Variants in ZNF423 observed in about 807,000 individuals in gnomAD.
ZNF423 encodes the protein zinc finger protein 423.
A neutral mutation model predicts 95.8 loss-of-function variants in ZNF423; 12 were observed. The observed-to-expected ratio is 0.13, with a 90% CI of 0.08 to 0.20. The LOEUF (loss-of-function observed/expected upper bound fraction) is 0.20, where lower values mean the gene tolerates loss of function less well. Among genes scored for constraint, ZNF423 ranks in the 10% least tolerant of loss-of-function variants. ZNF423 has a pLI of 1.00. For missense variants in ZNF423, 1,316 were observed against 1,737.1 expected (o/e 0.76, Z 4.31); for synonymous variants, 749 against 711.9 (o/e 1.05, Z -0.83).
chr16:49,544,712 G>C (rs573281036), intron 5 of ZNF423, among the ~76,000 whole-genome samples: 72 of 152,352 alleles, frequency 4.7e-4, no homozygotes, highest in African/African-American at 1.7e-3. Context: ...GGCTTGGGAG[G>C]GTTTTCCTCA....
intron 2 of ZNF423, among the ~76,000 whole-genome samples, chr16:49,741,885 A>T (rs1247913486): frequency 6.6e-6 from 1 of 152,228 alleles, no homozygotes. Context: ...GAAAATGAGG[A>T]TGGTACTCAT....
At chr16:49,729,756 G>A (rs889481140) in intron 3 of ZNF423, among the ~76,000 whole-genome samples, 2 of 151,914 alleles carry the variant, frequency 1.3e-5, no homozygotes, top group South Asian at 4.2e-4. Flanking sequence ...AGGCACAGAT[G>A]TCACTAGAGG....
In ZNF423 at chr16:49,709,168, T is replaced by TTATATA. The variant is rs534895949; in HGVS notation, c.301+21597_301+21602dup. On this transcript the variant is annotated intron_variant, in intron 3 of 7. Transcript: ENST00000563137. ...AAAAACTCAAACGTTCAGCAGCCGTTTATATATATATATATGAAAACGGAG... is the reference window on the plus strand; with the variant it reads ...AAAAACTCAAACGTTCAGCAGCCGTTTATATATATATATATATATATGAAAACGGAG... Among the ~76,000 whole-genome samples the TTATATA allele has an allele frequency of 3.6e-4, 34 of 93,458 alleles. 1 individual carries two copies. Among genetic ancestry groups the TTATATA allele is most frequent in the East Asian group, 1.9e-3 (6 of 3,148 alleles). 61.3% of individuals were successfully genotyped at this position (93,458 alleles called of 152,430 possible).
At position 49,636,529 on chromosome 16, in the gene ZNF423, T is replaced by C. The variant is rs1283235029; in HGVS notation, c.2647A>G (p.Ser883Gly). ...TCCGACGCGTCCACGTCATCCTCGC[T>C]GGCCTCATGGCTGTTAGGTGCCTCA... Reference protein sequence around the residue: ...NPEAPNSHEASEDDVDASEPM... With the variant: ...NPEAPNSHEAGEDDVDASEPM... Residue 883 changes from serine to glycine, a missense_variant, in exon 4 of 8, where the codon AGC becomes GGC. Ser to Gly is a moderately conservative substitution (Grantham distance 56, BLOSUM62 0). Coordinates refer to ENST00000563137, the MANE Select transcript of ZNF423 (RefSeq NM_001379286.1). This position sits in a 1 kb window ranked among gnomAD's most constrained non-coding sequence, Gnocchi z 8.6. 6.2e-7 allele frequency: 1 copy of C among 1,613,906 alleles called. No individual in the cohort carries two copies.
chr16:49,747,794 A>G (rs2033556269), intron 2 of ZNF423, among the ~76,000 whole-genome samples: 1 of 152,398 alleles, frequency 6.6e-6, no homozygotes, highest in East Asian at 1.9e-4. Context: ...AAGACAGCCA[A>G]TCCAATCCAG....
chr16:49,790,359 G>A (rs1020244809), intron 1 of ZNF423, among the ~76,000 whole-genome samples: 1 of 152,378 alleles, frequency 6.6e-6, no homozygotes, highest in Middle Eastern at 3.4e-3. Context: ...CTGGCACCAC[G>A]TGGGTGCACA....
intron 3 of ZNF423, among the ~76,000 whole-genome samples, chr16:49,720,353 C>T: frequency 6.6e-6 from 1 of 152,208 alleles, no homozygotes; most frequent in East Asian, 1.9e-4. Flanking sequence ...TACACGGGCA[C>T]CTCCTGCCAG....
Position 49,730,763 on chromosome 16 carries a change from T to G in ZNF423, c.301+8A>C, listed in dbSNP as rs1022331646. 6.8e-6 allele frequency: 11 copies of G among 1,614,254 alleles called. No homozygotes were observed. Among genetic ancestry groups the G allele is most frequent in the Non-Finnish European group, 9.3e-6 (11 of 1,180,040 alleles). ...ACCTGTCAGAGTCCTGGGGCTGTTT[T>G]GCATTACCTCCAGGACAGCGGTGGG... is the stretch of plus-strand genomic sequence containing the variant. On this transcript the variant is annotated splice_region_variant and intron_variant, in intron 3 of 7. Coordinates refer to ENST00000563137, the MANE Select transcript of ZNF423 (RefSeq NM_001379286.1).
chr16:49,742,513 AC>A (rs2033435247), intron 2 of ZNF423, among the ~76,000 whole-genome samples: 1 of 152,056 alleles, frequency 6.6e-6, no homozygotes, highest in Non-Finnish European at 1.5e-5. Flanking sequence ...AGACAAAGCC[AC>A]CCTGGAACCA....
intron 1 of ZNF423, among the ~76,000 whole-genome samples, chr16:49,818,759 C>T (rs773077713): frequency 8.0e-5 from 12 of 150,670 alleles, no homozygotes; most frequent in East Asian, 2.0e-4. Context: ...TGATGGTGAA[C>T]GCCTGTAGTC....
chr16:49,773,449 G>A (rs1365898091), intron 2 of ZNF423, among the ~76,000 whole-genome samples: 1 of 152,178 alleles, frequency 6.6e-6, no homozygotes, highest in East Asian at 1.9e-4. Context: ...CCTGACACAT[G>A]GGGATTTGGG....
At chr16:49,597,932 C>G (rs1971237760) in intron 5 of ZNF423, among the ~76,000 whole-genome samples, 1 of 152,172 alleles carries the variant, frequency 6.6e-6, no homozygotes, top group Non-Finnish European at 1.5e-5. Context: ...TCACAGCTAC[C>G]TTCCCCGCAT....
intron 3 of ZNF423, among the ~76,000 whole-genome samples, chr16:49,667,555 G>A (rs2151921750): frequency 6.6e-6 from 1 of 152,322 alleles, no homozygotes; most frequent in South Asian, 2.1e-4. Context: ...AACACCCTGG[G>A]GTAAAAGCAA....
intron 5 of ZNF423, among the ~76,000 whole-genome samples, chr16:49,624,049 A>T (rs546814222): frequency 6.6e-6 from 1 of 152,302 alleles, no homozygotes; most frequent in East Asian, 1.9e-4. Flanking sequence ...TCAGAAATGT[A>T]TTTGTCAGCA....
rs1966896248 is a variant in ZNF423, at chr16:49,489,760, A to G, written c.*1515T>C. The stretch of plus-strand genomic sequence containing the variant: ...TAACCAATTTCCTTGCCCCTTGTGA[A>G]AAGTTAGCAAGGAAGGGTTTCCCCG... On this transcript the variant is annotated 3_prime_UTR_variant, in exon 8 of 8. Coordinates refer to ENST00000563137, the MANE Select transcript of ZNF423 (RefSeq NM_001379286.1). The G allele has an allele frequency of 6.6e-6, 1 of 152,240 alleles. No homozygotes were observed. The highest frequency in any genetic ancestry group is 1.5e-5 in the Non-Finnish European group (1 of 68,052). 9.4% of individuals were successfully genotyped at this position (152,240 alleles called of 1,614,324 possible).
rs1367009647 is a variant in ZNF423 at position 49,685,396 on chromosome 16, G to A, written c.301+45375C>T. On this transcript the variant is annotated intron_variant, in intron 3 of 7. Coordinates refer to ENST00000563137, the MANE Select transcript of ZNF423 (RefSeq NM_001379286.1). ...TCACATGCAGCATGGGGTCTTGAGG[G>A]GACTGAGCAGCAGCCAGGGTCTAGT... Among the ~76,000 whole-genome samples the A allele has an allele frequency of 2.0e-5, 3 of 152,174 alleles. 1 individual carries two copies. The highest frequency in any genetic ancestry group is 2.0e-4 in the Admixed American group (3 of 15,280).
At chr16:49,530,474 G>C (rs1567447250) in intron 5 of ZNF423, among the ~76,000 whole-genome samples, 2 of 152,136 alleles carry the variant, frequency 1.3e-5, no homozygotes, top group Non-Finnish European at 2.9e-5. Flanking sequence ...CACAGACAGA[G>C]TAACATAAAC....
chr16:49,572,042 A>G, intron 5 of ZNF423, among the ~76,000 whole-genome samples: 1 of 152,134 alleles, frequency 6.6e-6, no homozygotes. Context: ...AGGCCTTTTA[A>G]CCCAACAGTC....
At chr16:49,834,041 C>A (rs986764684) in intron 1 of ZNF423, among the ~76,000 whole-genome samples, 1 of 152,222 alleles carries the variant, frequency 6.6e-6, no homozygotes, top group Non-Finnish European at 1.5e-5. Context: ...CCAGCCAACA[C>A]CCGAGCAGGA....
Sources: allele counts gnomAD v4.1 joint callset (sites outside exome capture counted in the v4.1 genomes callset), GRCh38; gene constraint gnomAD v4.1.1; non-coding constraint Gnocchi (gnomAD v3.1); transcripts MANE v1.5; gene names NCBI Gene and HGNC (gene_info 2026-07-23, HGNC 2026-07-21).